KCNIP2: variants seen among roughly 807,000 people sequenced by gnomAD.
The protein encoded by KCNIP2 is potassium voltage-gated channel interacting protein 2.
Under a neutral mutation model 39.0 loss-of-function variants are expected in KCNIP2, and 19 were observed. That is an observed-to-expected ratio of 0.49 (90% CI 0.34 to 0.71). KCNIP2 has a LOEUF of 0.71. KCNIP2 is among the 30% of genes least tolerant of loss of function. KCNIP2 has a pLI of 0.01. For missense variants in KCNIP2, 261 were observed against 346.0 expected (o/e 0.75, Z 1.95); for synonymous variants, 111 against 131.2 (o/e 0.85, Z 1.05).
Position 101,827,159 on chromosome 10 carries a change from G to A in KCNIP2, c.*194C>T, listed in dbSNP as rs540141826. ...CTGGTGGGAGTTGGGAACACCCCCC[G>A]AGATGCACTCTGCCCACTCTCTGGC... On this transcript the variant is annotated 3_prime_UTR_variant, in exon 10 of 10. Transcript: ENST00000356640. 6.3e-6 allele frequency: 8 copies of A among 1,275,520 alleles called. No homozygotes were observed. In the South Asian group the frequency reaches 9.1e-5, roughly 15 times the overall value. 79.0% of individuals were successfully genotyped at this position (1,275,520 alleles called of 1,614,324 possible).
At chr10:101,841,495 G>A (rs1399740199) in intron 1 of KCNIP2, among the ~76,000 whole-genome samples, 1 of 152,210 alleles carries the variant, frequency 6.6e-6, no homozygotes, top group Non-Finnish European at 1.5e-5. Context: ...GCTCCTGGTA[G>A]TCCTATTTCT....
Position 101,828,130 on chromosome 10 carries a change from A to G in KCNIP2, c.597+21T>C. The G allele has an allele frequency of 6.2e-7, 1 of 1,605,900 alleles. No homozygotes were observed. The highest frequency in any genetic ancestry group is 8.5e-7 in the Non-Finnish European group (1 of 1,172,738). On this transcript the variant is annotated intron_variant, in intron 7 of 9. Transcript: ENST00000356640. The surrounding 1 kb of genome is among the most constrained non-coding windows in gnomAD (Gnocchi z 6.6). ...ACCCCCATCACCGCCACAGACCCCC[A>G]GCCCTTCAGTTGCCCTGCACCTCCT...
chr10:101,827,103 C>T lies in KCNIP2; in HGVS notation c.*250G>A, dbSNP rs1371192970. The T allele has an allele frequency of 1.1e-4, 95 of 849,530 alleles. No individual in the cohort carries two copies. The highest frequency in any genetic ancestry group is 1.4e-4 in the Non-Finnish European group (90 of 632,738). 52.6% of individuals were successfully genotyped at this position (849,530 alleles called of 1,614,324 possible). A position where few individuals can be genotyped will look rare whatever the true frequency, so the allele number is the denominator to read the frequency against. On this transcript the variant is annotated 3_prime_UTR_variant, in exon 10 of 10. Coordinates refer to ENST00000356640, the MANE Select transcript of KCNIP2 (RefSeq NM_173191.3). ...ATTCCTACAGGAGGGGCACTCTCAA[C>T]ACTGGGTGTCAGGCAGGAAGGGGGT...
At position 101,827,124 on chromosome 10, in the gene KCNIP2, G is replaced by T. The variant is rs2305190; in HGVS notation, c.*229C>A. ...TCAACACTGGGTGTCAGGCAGGAAG[G>T]GGGTGAGAGCTGGTGGGAGTTGGGA... is the stretch of plus-strand genomic sequence containing the variant. On this transcript the variant is annotated 3_prime_UTR_variant, in exon 10 of 10. Transcript: ENST00000356640. 12 of 1,059,660 alleles carry T rather than the reference G, an allele frequency of 1.1e-5. No individual in the cohort carries two copies. The highest frequency in any genetic ancestry group is 1.1e-4 in the African/African-American group (7 of 62,060). The allele number at this position is 1,059,660 out of a possible 1,614,324, so 65.6% of individuals were successfully genotyped here. A position where few individuals can be genotyped will look rare whatever the true frequency, so the allele number is the denominator to read the frequency against.
chr10:101,827,586 G>T (rs1655260922), intron 9 of KCNIP2, 103 bp downstream of exon 9: 1 of 1,382,362 alleles, frequency 7.2e-7, no homozygotes, highest in Non-Finnish European at 1.0e-6. Flanking sequence ...GAAATATGGG[G>T]GTGAGGTGGG....
chr10:101,829,431 C>G (rs1210144130), intron 3 of KCNIP2: 3 of 530,858 alleles, frequency 5.7e-6, no homozygotes, highest in Non-Finnish European at 9.6e-6. Context: ...GCCAGGGATC[C>G]GACTCAGTGC....
At chr10:101,836,269 T>C (rs2066156169) in intron 1 of KCNIP2, among the ~76,000 whole-genome samples, 1 of 150,162 alleles carries the variant, frequency 6.7e-6, no homozygotes, top group Admixed American at 6.7e-5. Context: ...CAGGCTTTTT[T>C]TTCTCTTTTT....
chr10:101,828,578 C>G lies in KCNIP2; in HGVS notation c.418+49G>C. On this transcript the variant is annotated intron_variant, in intron 5 of 9. Coordinates refer to ENST00000356640, the MANE Select transcript of KCNIP2 (RefSeq NM_173191.3). This position sits in a 1 kb window ranked among gnomAD's most constrained non-coding sequence, Gnocchi z 6.6. ...CAGCTCCTCCAGAATCCCTCCCTCC[C>G]TCAGCCTAGAGAAGGACAACTGCTT... The G allele has an allele frequency of 6.2e-7, 1 of 1,605,274 alleles. No individual in the cohort carries two copies. Among genetic ancestry groups the G allele is most frequent in the South Asian group, 1.1e-5 (1 of 90,814 alleles).
chr10:101,829,435 T>A, intron 3 of KCNIP2: 1 of 529,426 alleles, frequency 1.9e-6, no homozygotes, highest in Non-Finnish European at 3.2e-6. Context: ...GGGATCCGAC[T>A]CAGTGCTCGC....
At chr10:101,831,386 C>T (rs72552060) in intron 1 of KCNIP2, among the ~76,000 whole-genome samples, 226 of 152,158 alleles carry the variant, frequency 1.5e-3, no homozygotes, top group Non-Finnish European at 2.8e-3. Context: ...GGGACGTGGC[C>T]GGTGACAGCG....
chr10:101,827,816 G>T, intron 8 of KCNIP2, 65 bp from the exon 9 acceptor site: 1 of 1,536,380 alleles, frequency 6.5e-7, no homozygotes, highest in Non-Finnish European at 9.0e-7. Context: ...ACAGAAGTCA[G>T]GTGAGTTCCC....
In KCNIP2 at chr10:101,829,898, C is replaced by A; in HGVS notation, c.170-1G>T. On this transcript the variant is annotated splice_acceptor_variant, in intron 2 of 9. Transcript: ENST00000356640. LOFTEE classifies it high-confidence loss of function. ...CGGAGGGAGGCTGGGGCGGCTAATG[C>A]TGAAGGGAGCGAACTGTCACCGAGA... The A allele has an allele frequency of 6.5e-7, 1 of 1,534,978 alleles. No individual in the cohort carries two copies. The highest frequency in any genetic ancestry group is 1.4e-5 in the African/African-American group (1 of 71,350).
At chr10:101,829,315 G>T in intron 3 of KCNIP2, 116 bp from the exon 4 acceptor site, 1 of 1,334,162 alleles carries the variant, frequency 7.5e-7, no homozygotes, top group Non-Finnish European at 9.9e-7. Context: ...CCGGAGACCA[G>T]GCTGCCAGTT....
chr10:101,838,287 C>A lies in KCNIP2; in HGVS notation c.73+5209G>T, dbSNP rs1403244508. Among the ~76,000 whole-genome samples the A allele has an allele frequency of 6.6e-6, 1 of 152,160 alleles. No individual in the cohort carries two copies. Among genetic ancestry groups the A allele is most frequent in the Non-Finnish European group, 1.5e-5 (1 of 68,026 alleles). ...GCATGAGGTGGGCCTTCCCCAGATC[C>A]CTCAAATCTTACCACAGAGATATTC... is the stretch of plus-strand genomic sequence containing the variant. On this transcript the variant is annotated intron_variant, in intron 1 of 9. Transcript: ENST00000356640. This position sits in a 1 kb window ranked among gnomAD's most constrained non-coding sequence, Gnocchi z 4.0.
chr10:101,833,788 A>T (rs1177017765), intron 1 of KCNIP2, among the ~76,000 whole-genome samples: 1 of 151,716 alleles, frequency 6.6e-6, no homozygotes, highest in East Asian at 1.9e-4. Flanking sequence ...ATGCCCACAC[A>T]CCCCATAAGC....
At chr10:101,841,778 G>A (rs1360590140) in intron 1 of KCNIP2, among the ~76,000 whole-genome samples, 2 of 152,190 alleles carry the variant, frequency 1.3e-5, no homozygotes, top group Non-Finnish European at 2.9e-5. Flanking sequence ...GCCAAGTGGG[G>A]AAGGGATGGT....
At chr10:101,832,272 AC>A (rs2066015126) in intron 1 of KCNIP2, among the ~76,000 whole-genome samples, 1 of 147,932 alleles carries the variant, frequency 6.8e-6, no homozygotes, top group African/African-American at 2.5e-5. Flanking sequence ...CTCTAATTGC[AC>A]CCCCAGAGGA....
chr10:101,841,090 G>A (rs983377612), intron 1 of KCNIP2, among the ~76,000 whole-genome samples: 3 of 152,198 alleles, frequency 2.0e-5, no homozygotes, highest in Non-Finnish European at 2.9e-5. Context: ...GGCGGGGCTC[G>A]GACTGTTTTT....
At chr10:101,840,063 G>GC (rs934634816) in intron 1 of KCNIP2, among the ~76,000 whole-genome samples, 14 of 151,712 alleles carry the variant, frequency 9.2e-5, no homozygotes, top group Admixed American at 8.5e-4. Context: ...TGGACGGGGG[G>GC]GGGGGGTGGC....
Sources: gnomAD v4.1 joint callset for allele counts (sites outside exome capture counted in the v4.1 genomes callset) on GRCh38, gnomAD v4.1.1 for gene constraint, Gnocchi (gnomAD v3.1) non-coding constraint, MANE v1.5 for transcripts, NCBI Gene and HGNC (gene_info 2026-07-23, HGNC 2026-07-21) for gene names.